LHFPL2: variants seen among roughly 807,000 people sequenced by gnomAD.
The protein encoded by LHFPL2 is LHFPL tetraspan subfamily member 2 protein.
A neutral mutation model predicts 17.5 loss-of-function variants in LHFPL2; 7 were observed. The ratio of observed to expected loss-of-function variants is 0.40; its 90% CI spans 0.23 to 0.75. The LOEUF is 0.75. LHFPL2 is among the 30% of genes least tolerant of loss of function. LHFPL2 has a pLI of 0.37. For synonymous variants in LHFPL2, 134 were observed against 116.2 expected (o/e 1.15, Z -0.99); for missense variants, 241 against 294.8 (o/e 0.82, Z 1.34).
intron 1 of LHFPL2, among the ~76,000 whole-genome samples, chr5:78,646,289 C>T (rs1307541833): frequency 6.6e-6 from 1 of 152,146 alleles, no homozygotes; most frequent in African/African-American, 2.4e-5. Flanking sequence ...TGGGTCCAGA[C>T]TCAACTCAGA....
chr5:78,599,088 T>A (rs17455739), intron 2 of LHFPL2, among the ~76,000 whole-genome samples: 59,444 of 151,948 alleles, frequency 0.39, 12,013 homozygotes, highest in Middle Eastern at 0.48. Flanking sequence ...GGTCTGCCTA[T>A]GTCCCCAGCC....
chr5:78,573,186 A>G (rs949472664), intron 2 of LHFPL2, among the ~76,000 whole-genome samples: 5 of 152,198 alleles, frequency 3.3e-5, no homozygotes, highest in Non-Finnish European at 5.9e-5. Flanking sequence ...CATTTCTACA[A>G]GATCCATGAA....
intron 2 of LHFPL2, among the ~76,000 whole-genome samples, chr5:78,565,772 T>C (rs1263715589): frequency 2.0e-5 from 3 of 152,202 alleles, no homozygotes; most frequent in African/African-American, 7.2e-5. Context: ...AACACGCCTT[T>C]TTCCTCCTAT....
chr5:78,619,908 T>G (rs1180998620), intron 2 of LHFPL2, among the ~76,000 whole-genome samples: 5 of 69,576 alleles, frequency 7.2e-5, no homozygotes, highest in Non-Finnish European at 1.1e-4. Context: ...TCTATCATTG[T>G]TGGACATTTG....
chr5:78,495,756 T>A (rs906978724), intron 4 of LHFPL2, among the ~76,000 whole-genome samples: 2 of 152,212 alleles, frequency 1.3e-5, no homozygotes, highest in African/African-American at 4.8e-5. Flanking sequence ...GTACCTCTGA[T>A]CAACGTGGGC....
chr5:78,498,666 G>A (rs1200966196), intron 4 of LHFPL2, among the ~76,000 whole-genome samples: 1 of 152,182 alleles, frequency 6.6e-6, no homozygotes, highest in African/African-American at 2.4e-5. Context: ...GTGTGAACCT[G>A]CAGACTTCCC....
At chr5:78,618,418 C>CG (rs1456097258) in intron 2 of LHFPL2, among the ~76,000 whole-genome samples, 1 of 152,130 alleles carries the variant, frequency 6.6e-6, no homozygotes, top group East Asian at 1.9e-4. Flanking sequence ...TGGCAGAGGT[C>CG]GGTCACAGGC....
chr5:78,637,144 C>T (rs561839169), intron 1 of LHFPL2, among the ~76,000 whole-genome samples: 2 of 152,230 alleles, frequency 1.3e-5, no homozygotes, highest in South Asian at 4.2e-4. Flanking sequence ...GAAGCCAAAA[C>T]CCCGGGTAGG....
chr5:78,569,505 G>A (rs1041531156), intron 2 of LHFPL2, among the ~76,000 whole-genome samples: 2 of 152,126 alleles, frequency 1.3e-5, no homozygotes, highest in Non-Finnish European at 2.9e-5. Context: ...AGTCTGAAAT[G>A]CATTCTCTGA....
intron 2 of LHFPL2, among the ~76,000 whole-genome samples, chr5:78,610,118 G>C (rs987689821): frequency 2.2e-4 from 34 of 152,052 alleles, no homozygotes; most frequent in African/African-American, 8.2e-4. Flanking sequence ...GCTCCAGTCA[G>C]ACCCCACTCA....
chr5:78,491,146 A>G (rs557796577), intron 4 of LHFPL2: 6 of 152,352 alleles, frequency 3.9e-5, no homozygotes, highest in African/African-American at 1.4e-4. Flanking sequence ...CTACCAGGGC[A>G]TTTTGGGATT....
rs1208752956 is a variant in LHFPL2 at position 78,487,793 on chromosome 5, G to A, written c.*1104C>T. 1 of 152,166 alleles carries A rather than the reference G, an allele frequency of 6.6e-6. No homozygotes were observed. Among genetic ancestry groups the A allele is most frequent in the Non-Finnish European group, 1.5e-5 (1 of 68,034 alleles). The allele number at this position is 152,166 out of a possible 1,614,324, so 9.4% of individuals were successfully genotyped here. A position where few individuals can be genotyped will look rare whatever the true frequency, so the allele number is the denominator to read the frequency against. ...TTAAGGTCTTGGCTGCAGTTCTTCA[G>A]TTGCAGCAATTTAATGTTATCTCAG... On this transcript the variant is annotated 3_prime_UTR_variant, in exon 5 of 5. Transcript: ENST00000380345.
At chr5:78,563,822 C>T (rs370351986) in intron 3 of LHFPL2, among the ~76,000 whole-genome samples, 2 of 152,158 alleles carry the variant, frequency 1.3e-5, no homozygotes, top group South Asian at 2.1e-4. Context: ...CAAATAATTT[C>T]GTAACACACA....
rs532300456 is a variant in LHFPL2 at position 78,554,773 on chromosome 5, A to G, written c.-186+10040T>C. On this transcript the variant is annotated intron_variant, in intron 3 of 4. Transcript: ENST00000380345. Reference sequence around the variant, plus strand: ...CAGGAAGTGAACTGAGCTGTCTCAGATCTTGGGGAATTGTGTGTCATATGT... The same window carrying G: ...CAGGAAGTGAACTGAGCTGTCTCAGGTCTTGGGGAATTGTGTGTCATATGT... 3.3e-5 allele frequency among the ~76,000 whole-genome samples: 5 copies of G among 152,324 alleles called. No individual in the cohort carries two copies. The South Asian group carries it at 8.3e-4, about 25-fold the overall frequency.
chr5:78,518,506 C>A (rs965391100), intron 3 of LHFPL2, among the ~76,000 whole-genome samples: 20 of 152,256 alleles, frequency 1.3e-4, no homozygotes, highest in Non-Finnish European at 2.9e-4. Context: ...AACAGATGGG[C>A]TTCAGTGCAG....
At chr5:78,590,057 T>A (rs1362317858) in intron 2 of LHFPL2, 2 of 152,192 alleles carry the variant, frequency 1.3e-5, no homozygotes, top group African/African-American at 2.4e-5. Flanking sequence ...TAAAATATAT[T>A]TATATCATTA....
chr5:78,579,591 T>C (rs1743012539), intron 2 of LHFPL2, among the ~76,000 whole-genome samples: 1 of 150,222 alleles, frequency 6.7e-6, no homozygotes, highest in African/African-American at 2.4e-5. Flanking sequence ...GAATATGCGG[T>C]GTTTGGTTTT....
At chr5:78,594,123 G>T (rs1741877542) in intron 2 of LHFPL2, among the ~76,000 whole-genome samples, 1 of 152,218 alleles carries the variant, frequency 6.6e-6, no homozygotes, top group South Asian at 2.1e-4. Context: ...AGCTAGTTAA[G>T]TATGGGGGCC....
At chr5:78,489,850 G>C (rs1395616571) in intron 4 of LHFPL2, among the ~76,000 whole-genome samples, 1 of 152,176 alleles carries the variant, frequency 6.6e-6, no homozygotes, top group South Asian at 2.1e-4. Context: ...GCTATGGTCT[G>C]CAAAATCTAA....
Sources: gnomAD v4.1 joint callset for allele counts (sites outside exome capture counted in the v4.1 genomes callset) on GRCh38, gnomAD v4.1.1 for gene constraint, MANE v1.5 for transcripts, NCBI Gene and HGNC (gene_info 2026-07-23, HGNC 2026-07-21) for gene names.